The following TMEM184B variants were observed in gnomAD, a reference collection of about 807,000 sequenced individuals.
The protein encoded by TMEM184B is transmembrane protein 184B.
A neutral mutation model predicts 41.8 loss-of-function variants in TMEM184B; 17 were observed. The observed-to-expected ratio is 0.41, with a 90% CI of 0.28 to 0.61. The LOEUF (loss-of-function observed/expected upper bound fraction) is 0.61. Ranked by LOEUF, TMEM184B falls within the 20% of genes least tolerant of loss-of-function variation. The pLI is 0.34. For synonymous variants in TMEM184B, 240 were observed against 229.5 expected (o/e 1.05, Z -0.41); for missense variants, 393 against 557.8 (o/e 0.70, Z 2.98).
chr22:38,241,053 G>T (rs143233710), intron 3 of TMEM184B, among the ~76,000 whole-genome samples: 1 of 152,324 alleles, frequency 6.6e-6, no homozygotes, highest in African/African-American at 2.4e-5. Context: ...CAGCCTCCAC[G>T]GAACAGGTGA....
At chr22:38,247,169 T>C (rs2092051243) in intron 2 of TMEM184B, among the ~76,000 whole-genome samples, 1 of 152,194 alleles carries the variant, frequency 6.6e-6, no homozygotes, top group African/African-American at 2.4e-5. Context: ...ACCAGGCTAG[T>C]TCCTCTCCCC....
intron 1 of TMEM184B, among the ~76,000 whole-genome samples, chr22:38,257,409 G>C (rs941777647): frequency 6.6e-6 from 1 of 152,114 alleles, no homozygotes; most frequent in Non-Finnish European, 1.5e-5. Flanking sequence ...TGAGTAACCC[G>C]ATTTAGAAAG....
In TMEM184B at chr22:38,243,614, T is replaced by G. The variant is rs77983233; in HGVS notation, c.358+2321A>C. On this transcript the variant is annotated intron_variant, in intron 3 of 8. Coordinates refer to ENST00000361906, the MANE Select transcript of TMEM184B (RefSeq NM_012264.5). ...GGAGACTTGGCTGCTTCCAGAAATA[T>G]CAGACACCAGAGCCCCAGTTAAGCC... is the stretch of plus-strand genomic sequence containing the variant. Among the ~76,000 whole-genome samples, 394 of 152,208 alleles carry G rather than the reference T, an allele frequency of 2.6e-3. 1 individual carries two copies. Among genetic ancestry groups the G allele is most frequent in the African/African-American group, 9.2e-3 (382 of 41,526 alleles).
At chr22:38,231,727 G>A (rs990662279) in intron 3 of TMEM184B, 17 of 370,564 alleles carry the variant, frequency 4.6e-5, no homozygotes, top group Non-Finnish European at 6.8e-5. Context: ...TTTTCCGGGC[G>A]CAGTGGCATG....
At chr22:38,234,795 A>G (rs1238243191) in intron 3 of TMEM184B, among the ~76,000 whole-genome samples, 2 of 152,184 alleles carry the variant, frequency 1.3e-5, no homozygotes, top group Non-Finnish European at 2.9e-5. Context: ...GTAAAGAGCC[A>G]TGGGCCCTGG....
Position 38,219,584 on chromosome 22 carries a change from C to T in TMEM184B, c.*1885G>A, listed in dbSNP as rs1602345052. On this transcript the variant is annotated 3_prime_UTR_variant, in exon 9 of 9. Transcript: ENST00000361906. ...TCCTAAGGAGGAGGAGGGGATGGAG[C>T]GGTCGGGCACATGTTCCCGTCCCCA... The T allele has an allele frequency of 1.0e-5, 10 of 985,452 alleles. No individual in the cohort carries two copies. The South Asian group carries it at 1.9e-4, about 19-fold the overall frequency. The allele number at this position is 985,452 out of a possible 1,614,324, so 61.0% of individuals were successfully genotyped here. A position where few individuals can be genotyped will look rare whatever the true frequency, so the allele number is the denominator to read the frequency against.
At chr22:38,241,899 A>AAAAAAAAAAAAAAAAAAAAAC (rs2091917320) in intron 3 of TMEM184B, among the ~76,000 whole-genome samples, 1 of 149,894 alleles carries the variant, frequency 6.7e-6, no homozygotes, top group African/African-American at 2.4e-5. Flanking sequence ...AAAAAAAAAA[A>AAAAAAAAAAAAAAAAAAAAAC]AAAAAAAAGA....
chr22:38,221,841 G>T (rs1041819389), intron 8 of TMEM184B, 131 bp from the exon 9 acceptor site: 1 of 1,319,942 alleles, frequency 7.6e-7, no homozygotes, highest in African/African-American at 1.5e-5. Flanking sequence ...CATCCCTTCT[G>T]GGACAGAGAA....
intron 1 of TMEM184B, among the ~76,000 whole-genome samples, chr22:38,249,153 G>T (rs1569041220): frequency 6.6e-6 from 1 of 152,126 alleles, no homozygotes; most frequent in Non-Finnish European, 1.5e-5. Flanking sequence ...TACTTAACTT[G>T]ATTATTATTA....
intron 3 of TMEM184B, among the ~76,000 whole-genome samples, chr22:38,233,459 T>C (rs934107623): frequency 2.6e-5 from 4 of 152,204 alleles, no homozygotes; most frequent in Admixed American, 6.5e-5. Context: ...GTCACGACCA[T>C]TACCGTCTAT....
At chr22:38,232,629 G>T (rs1161906737) in intron 3 of TMEM184B, among the ~76,000 whole-genome samples, 1 of 152,162 alleles carries the variant, frequency 6.6e-6, no homozygotes, top group African/African-American at 2.4e-5. Context: ...AGCCACGGTG[G>T]CCCTCCAGCC....
rs1602351531 is a variant in TMEM184B at position 38,221,551 on chromosome 22, T to G, written c.1142A>C (p.His381Pro). 1 of 1,613,800 alleles carries G rather than the reference T, an allele frequency of 6.2e-7. No homozygotes were observed. The highest frequency in any genetic ancestry group is 8.5e-7 in the Non-Finnish European group (1 of 1,179,918). ...EPGPTWRGGA[H>P]GLSRSHSLSG... ...GAGGCTGTGGGAGCGGGAGAGGCCG[T>G]GGGCGCCACCACGCCAGGTGGGCCC... Residue 381 changes from histidine (H) to proline (P), a missense_variant, in exon 9 of 9, where the codon CAC becomes CCC. His to Pro is a moderately conservative substitution (Grantham distance 77). Coordinates refer to ENST00000361906, the MANE Select transcript of TMEM184B (RefSeq NM_012264.5).
At chr22:38,272,786 G>A (rs2092545071) in intron 1 of TMEM184B, 98 bp downstream of exon 1, 6 of 985,104 alleles carry the variant, frequency 6.1e-6, no homozygotes, top group Non-Finnish European at 7.2e-6. Context: ...GAAGCCGGGC[G>A]TCCCTCGCGC....
In TMEM184B at chr22:38,219,690, C is replaced by T. The variant is rs2091206933; in HGVS notation, c.*1779G>A. 1 of 985,430 alleles carries T rather than the reference C, an allele frequency of 1.0e-6. No homozygotes were observed. The highest frequency in any genetic ancestry group is 6.1e-5 in the Admixed American group (1 of 16,268). The allele number at this position is 985,430 out of a possible 1,614,324, so 61.0% of individuals were successfully genotyped here. On this transcript the variant is annotated 3_prime_UTR_variant, in exon 9 of 9. Transcript: ENST00000361906. ...ACAGCAACGCTGGGCAGGCGAAAAC[C>T]AAGGGAGTGGGAATCAGCAGCACTT...
At chr22:38,241,330 T>C (rs979527536) in intron 3 of TMEM184B, among the ~76,000 whole-genome samples, 8 of 152,124 alleles carry the variant, frequency 5.3e-5, no homozygotes, top group Admixed American at 6.5e-5. Flanking sequence ...TAGGTATATG[T>C]AGAAAACTCA....
At chr22:38,235,352 G>A (rs964357604) in intron 3 of TMEM184B, among the ~76,000 whole-genome samples, 2 of 152,198 alleles carry the variant, frequency 1.3e-5, no homozygotes, top group Non-Finnish European at 2.9e-5. Flanking sequence ...GCCCATCCCT[G>A]CAGTCCTCTC....
At chr22:38,227,130 G>A (rs945722689) in intron 5 of TMEM184B, among the ~76,000 whole-genome samples, 1 of 152,064 alleles carries the variant, frequency 6.6e-6, no homozygotes. Flanking sequence ...GCGGGGGGCA[G>A]AACATATAGG....
Position 38,220,949 on chromosome 22 carries a change from G to C in TMEM184B, c.*520C>G, listed in dbSNP as rs2091239856. ...TGGGTCAGGAGGGGAGGACCACAGA[G>C]CGCCCACATCCCCACTCCTGCCCGG... On this transcript the variant is annotated 3_prime_UTR_variant, in exon 9 of 9. Coordinates refer to ENST00000361906, the MANE Select transcript of TMEM184B (RefSeq NM_012264.5). 8.1e-6 allele frequency: 8 copies of C among 988,594 alleles called. No individual in the cohort carries two copies. The highest frequency in any genetic ancestry group is 1.7e-5 in the African/African-American group (1 of 57,300). 61.2% of individuals were successfully genotyped at this position (988,594 alleles called of 1,614,324 possible).
chr22:38,218,840 C>T (rs916768908), downstream of TMEM184B, among the ~76,000 whole-genome samples: 23 of 152,210 alleles, frequency 1.5e-4, no homozygotes, highest in African/African-American at 5.3e-4. Flanking sequence ...AGAAGGCATG[C>T]GGTACCAGAG....
Sources: allele counts gnomAD v4.1 joint callset (sites outside exome capture counted in the v4.1 genomes callset), GRCh38; gene constraint gnomAD v4.1.1; transcripts MANE v1.5; gene names NCBI Gene and HGNC (gene_info 2026-07-23, HGNC 2026-07-21).